Variants in METTL15 observed in about 807,000 individuals in gnomAD.
The protein encoded by METTL15 is 12S rRNA N(4)-cytidine methyltransferase METTL15.
METTL15 carries 34 observed loss-of-function variants against 38.3 expected under a neutral mutation model. That is an observed-to-expected ratio of 0.89 (90% CI 0.68 to 1.18). The LOEUF (loss-of-function observed/expected upper bound fraction) is 1.18. METTL15 is among the 50% of genes most tolerant of loss of function. The pLI is 0.00. For missense variants in METTL15, 438 were observed against 498.4 expected (o/e 0.88, Z 1.15); for synonymous variants, 162 against 170.9 (o/e 0.95, Z 0.41).
intron 5 of METTL15, among the ~76,000 whole-genome samples, chr11:28,365,868 G>T (rs897169918): frequency 5.3e-5 from 8 of 152,058 alleles, no homozygotes; most frequent in Non-Finnish European, 8.8e-5. Context: ...TGGCTAACAT[G>T]GTGAAACCCC....
intron 3 of METTL15, among the ~76,000 whole-genome samples, chr11:28,187,217 A>G (rs916155922): frequency 6.6e-6 from 1 of 151,334 alleles, no homozygotes; most frequent in Non-Finnish European, 1.5e-5. Context: ...GGTGAGTTTG[A>G]TAATTATCCC....
intron 4 of METTL15, among the ~76,000 whole-genome samples, chr11:28,238,018 A>C (rs1019809227): frequency 6.6e-6 from 1 of 152,028 alleles, no homozygotes; most frequent in South Asian, 2.1e-4. Context: ...CCCCTGCTGG[A>C]GGGTGCCTCC....
intron 6 of METTL15, among the ~76,000 whole-genome samples, chr11:28,445,372 T>C (rs762881311): frequency 5.9e-5 from 9 of 152,168 alleles, no homozygotes; most frequent in Non-Finnish European, 1.2e-4. Flanking sequence ...CTTAATGCCT[T>C]AGTTTCTTTT....
At chr11:28,334,438 T>C (rs1045742821), downstream of METTL15, among the ~76,000 whole-genome samples, 5 of 152,118 alleles carry the variant, frequency 3.3e-5, no homozygotes, top group Non-Finnish European at 5.9e-5. Context: ...AGTATCCTAA[T>C]TGATATTTTT....
chr11:28,461,060 A>G (rs1373367173), intron 6 of METTL15, among the ~76,000 whole-genome samples: 1 of 152,026 alleles, frequency 6.6e-6, no homozygotes, highest in Admixed American at 6.6e-5. Flanking sequence ...AGTGAGGAAG[A>G]TTATTTTCCT....
At chr11:28,374,397 TTTCC>T (rs1369803165) in intron 5 of METTL15, among the ~76,000 whole-genome samples, 5 of 151,812 alleles carry the variant, frequency 3.3e-5, no homozygotes, top group Non-Finnish European at 7.4e-5. Context: ...TGTAAGTTGG[TTTCC>T]TAGGTATTTT....
At chr11:28,182,966 G>A (rs887753288) in intron 3 of METTL15, among the ~76,000 whole-genome samples, 1 of 151,770 alleles carries the variant, frequency 6.6e-6, no homozygotes, top group African/African-American at 2.4e-5. Context: ...TGGAAGAGGT[G>A]CTTCACTTCC....
chr11:28,223,500 C>T lies in METTL15; in HGVS notation c.407+12302C>T, dbSNP rs191516635. Among the ~76,000 whole-genome samples the T allele has an allele frequency of 8.9e-4, 136 of 152,132 alleles. 1 individual carries two copies. Among genetic ancestry groups the T allele is most frequent in the African/African-American group, 3.3e-3 (135 of 41,528 alleles). ...CTTAAAAATATTTATGTAATTGCAACCTGTAGTAGGGCACAGAATGAAACA... is the reference window on the plus strand; with the variant it reads ...CTTAAAAATATTTATGTAATTGCAATCTGTAGTAGGGCACAGAATGAAACA... On this transcript the variant is annotated intron_variant, in intron 4 of 6. Coordinates refer to ENST00000407364, the MANE Select transcript of METTL15 (RefSeq NM_001113528.2).
intron 3 of METTL15, among the ~76,000 whole-genome samples, chr11:28,136,136 T>A (rs1315225663): frequency 6.6e-6 from 1 of 152,196 alleles, no homozygotes; most frequent in Non-Finnish European, 1.5e-5. Flanking sequence ...CCAGGGTAGT[T>A]ACCTCAAAAA....
chr11:28,173,360 G>A (rs1262041641), intron 3 of METTL15, among the ~76,000 whole-genome samples: 3 of 152,144 alleles, frequency 2.0e-5, no homozygotes, highest in Non-Finnish European at 2.9e-5. Flanking sequence ...CTTATACCAA[G>A]TGAAGATGCA....
At chr11:28,192,378 C>G (rs570416202) in intron 3 of METTL15, among the ~76,000 whole-genome samples, 2 of 150,932 alleles carry the variant, frequency 1.3e-5, no homozygotes, top group African/African-American at 4.9e-5. Flanking sequence ...GGGATTAGCC[C>G]CACTTGACCA....
intron 5 of METTL15, among the ~76,000 whole-genome samples, chr11:28,369,153 T>G (rs529388649): frequency 6.6e-6 from 1 of 151,596 alleles, no homozygotes; most frequent in African/African-American, 2.4e-5. Context: ...AAGCATAATT[T>G]AAAATAAATA....
intron 5 of METTL15, among the ~76,000 whole-genome samples, chr11:28,397,158 T>A (rs1450593515): frequency 6.6e-6 from 1 of 152,006 alleles, no homozygotes; most frequent in Non-Finnish European, 1.5e-5. Context: ...ACCTAGGCAA[T>A]ACCATTCAGG....
rs777584110 is a variant in METTL15 at position 28,357,007 on chromosome 11, C to A, written c.*258+4849C>A. 4.6e-5 allele frequency among the ~76,000 whole-genome samples: 7 copies of A among 152,260 alleles called. No individual in the cohort carries two copies. In the South Asian group the frequency reaches 1.2e-3, roughly 27 times the overall value. ...TTAGCTGCACACTTGGGCCTGACTC[C>A]GTAGGCATATCCAGAACCTCACAGT... On this transcript the variant is annotated intron_variant and NMD_transcript_variant, in intron 4 of 7. Transcript: ENST00000532947.
intron 3 of METTL15, among the ~76,000 whole-genome samples, chr11:28,203,198 C>G (rs1204291512): frequency 6.6e-6 from 1 of 151,898 alleles, no homozygotes; most frequent in Non-Finnish European, 1.5e-5. Flanking sequence ...GCTCTAACCA[C>G]CTATGAGTCT....
intron 3 of METTL15, among the ~76,000 whole-genome samples, chr11:28,116,962 C>T (rs1004794386): frequency 2.0e-5 from 3 of 151,806 alleles, no homozygotes; most frequent in South Asian, 2.1e-4. Flanking sequence ...AATGAATTTA[C>T]GTGTATAAAG....
intron 4 of METTL15, among the ~76,000 whole-genome samples, chr11:28,258,734 G>A (rs951415702): frequency 6.6e-6 from 1 of 152,076 alleles, no homozygotes; most frequent in Non-Finnish European, 1.5e-5. Flanking sequence ...GTCAGCTTGT[G>A]GTAAATGCTG....
In METTL15 at chr11:28,513,360, G is replaced by A. The variant is rs748104824; in HGVS notation, c.*425-13118G>A. On this transcript the variant is annotated intron_variant and NMD_transcript_variant, in intron 6 of 7. Transcript: ENST00000532947. ...TGCTGTACCACTTACCGGCTGCAAC[G>A]TCTTAGGAAACTGATTTAACTCTCT... Among the ~76,000 whole-genome samples the A allele has an allele frequency of 5.3e-5, 8 of 152,254 alleles. 1 individual carries two copies. The highest frequency in any genetic ancestry group is 1.9e-4 in the African/African-American group (8 of 41,538).
chr11:28,433,947 T>C (rs770015933), intron 6 of METTL15, among the ~76,000 whole-genome samples: 14 of 152,320 alleles, frequency 9.2e-5, no homozygotes, highest in Non-Finnish European at 1.9e-4. Flanking sequence ...ACTAGACTCC[T>C]TCCTAAGTGA....
Sources: allele counts gnomAD v4.1 joint callset (sites outside exome capture counted in the v4.1 genomes callset), GRCh38; gene constraint gnomAD v4.1.1; transcripts MANE v1.5; gene names NCBI Gene and HGNC (gene_info 2026-07-23, HGNC 2026-07-21).